The following NKAIN2 variants were observed in gnomAD, a reference collection of about 807,000 sequenced individuals.
The protein encoded by NKAIN2 is sodium/potassium transporting ATPase interacting 2, also known as sodium/potassium-transporting ATPase subunit beta-1-interacting protein 2.
Under a neutral mutation model 32.6 loss-of-function variants are expected in NKAIN2, and 14 were observed. The observed-to-expected ratio is 0.43, with a 90% CI of 0.28 to 0.67. NKAIN2 has a LOEUF of 0.67. Ranked by LOEUF, NKAIN2 falls within the 30% of genes least tolerant of loss-of-function variation. The pLI is 0.17. For missense variants in NKAIN2, 198 were observed against 258.3 expected, an observed-to-expected ratio of 0.77 and a Z score of 1.60; for synonymous variants, 80 against 87.2, an observed-to-expected ratio of 0.92 and a Z score of 0.46.
At chr6:124,678,059 A>G (rs1198881663) in intron 4 of NKAIN2, among the ~76,000 whole-genome samples, 1 of 151,956 alleles carries the variant, frequency 6.6e-6, no homozygotes, top group East Asian at 1.9e-4. Context: ...GAGTTGCAAG[A>G]TATTTTTTAG....
chr6:124,232,679 G>A (rs9482521), intron 1 of NKAIN2, among the ~76,000 whole-genome samples: 11,221 of 151,962 alleles, frequency 0.074, 808 homozygotes, highest in African/African-American at 0.17. Flanking sequence ...ATTTGCTTAC[G>A]TAAAATATGC....
At chr6:124,527,675 A>G (rs1274919630) in intron 3 of NKAIN2, among the ~76,000 whole-genome samples, 1 of 152,194 alleles carries the variant, frequency 6.6e-6, no homozygotes, top group Non-Finnish European at 1.5e-5. Context: ...CCAAGTAAGC[A>G]ACATGATAAA....
At chr6:124,512,784 A>G (rs748166435) in intron 3 of NKAIN2, among the ~76,000 whole-genome samples, 2 of 152,154 alleles carry the variant, frequency 1.3e-5, no homozygotes, top group Non-Finnish European at 1.5e-5. Context: ...CAAATAGATG[A>G]TAGTTGAAGG....
chr6:124,016,168 A>G (rs1780565660), intron 1 of NKAIN2, among the ~76,000 whole-genome samples: 1 of 152,192 alleles, frequency 6.6e-6, no homozygotes, highest in Non-Finnish European at 1.5e-5. Flanking sequence ...GGCAAAAGTT[A>G]CATGTGCAAA....
At chr6:123,861,237 A>G (rs1391644639) in intron 1 of NKAIN2, among the ~76,000 whole-genome samples, 1 of 152,248 alleles carries the variant, frequency 6.6e-6, no homozygotes, top group African/African-American at 2.4e-5. Flanking sequence ...GGCTAAGTAA[A>G]TGTAAATTGA....
intron 1 of NKAIN2, among the ~76,000 whole-genome samples, chr6:124,028,692 T>C (rs1019851701): frequency 2.7e-5 from 4 of 150,296 alleles, no homozygotes; most frequent in Non-Finnish European, 5.9e-5. Context: ...TTTGTTTATA[T>C]ACATGTATAC....
intron 4 of NKAIN2, among the ~76,000 whole-genome samples, chr6:124,714,130 C>A (rs1054174666): frequency 3.9e-5 from 6 of 152,166 alleles, no homozygotes; most frequent in Non-Finnish European, 8.8e-5. Context: ...GCTTTATGCA[C>A]CCCTTCTCTT....
intron 1 of NKAIN2, among the ~76,000 whole-genome samples, chr6:123,935,156 T>C (rs927176759): frequency 6.8e-6 from 1 of 147,590 alleles, no homozygotes; most frequent in Non-Finnish European, 1.5e-5. Context: ...ATATATTAAA[T>C]ACATATATTT....
chr6:124,692,306 CAG>C (rs1422743655), intron 4 of NKAIN2, among the ~76,000 whole-genome samples: 3 of 152,116 alleles, frequency 2.0e-5, no homozygotes, highest in African/African-American at 7.2e-5. Context: ...AAATTTGCAT[CAG>C]AGTTTGTAGA....
At chr6:124,644,642 G>C (rs1205236822) in intron 3 of NKAIN2, among the ~76,000 whole-genome samples, 1 of 152,128 alleles carries the variant, frequency 6.6e-6, no homozygotes, top group African/African-American at 2.4e-5. Flanking sequence ...CTGACCTTGT[G>C]ATCCGCCTGC....
intron 1 of NKAIN2, among the ~76,000 whole-genome samples, chr6:123,986,961 A>G (rs981463991): frequency 3.9e-5 from 6 of 152,184 alleles, no homozygotes; most frequent in African/African-American, 1.4e-4. Flanking sequence ...CTTTAGCGAT[A>G]TATAGGAGGA....
At chr6:123,902,486 A>C (rs773850494) in intron 1 of NKAIN2, among the ~76,000 whole-genome samples, 1 of 152,144 alleles carries the variant, frequency 6.6e-6, no homozygotes, top group Non-Finnish European at 1.5e-5. Flanking sequence ...TTGCATGACT[A>C]TTTTCATATT....
At chr6:124,566,236 C>T (rs1433811416) in intron 3 of NKAIN2, among the ~76,000 whole-genome samples, 1 of 152,212 alleles carries the variant, frequency 6.6e-6, no homozygotes, top group Non-Finnish European at 1.5e-5. Flanking sequence ...TCTTTTAGCT[C>T]CACCATACCC....
intron 1 of NKAIN2, among the ~76,000 whole-genome samples, chr6:123,967,507 C>A (rs963170467): frequency 7.9e-5 from 12 of 152,238 alleles, no homozygotes; most frequent in Admixed American, 2.0e-4. Context: ...TCTTATCCTA[C>A]CAATAATTGC....
chr6:124,059,290 C>A (rs975724762), intron 1 of NKAIN2, among the ~76,000 whole-genome samples: 2 of 152,082 alleles, frequency 1.3e-5, no homozygotes, highest in African/African-American at 2.4e-5. Context: ...TCTTGGGCAC[C>A]TTCTCGGACA....
intron 3 of NKAIN2, among the ~76,000 whole-genome samples, chr6:124,436,722 G>T (rs1775463227): frequency 6.6e-6 from 1 of 152,030 alleles, no homozygotes; most frequent in African/African-American, 2.4e-5. Flanking sequence ...AGGCCACCAG[G>T]ATCTCCTGTC....
At chr6:124,115,265 T>G (rs1785556655) in intron 1 of NKAIN2, among the ~76,000 whole-genome samples, 1 of 152,036 alleles carries the variant, frequency 6.6e-6, no homozygotes, top group South Asian at 2.1e-4. Flanking sequence ...CAAAAAGGAC[T>G]TACAAAAAAC....
At chr6:123,819,924 C>A (rs532531341) in intron 1 of NKAIN2, among the ~76,000 whole-genome samples, 1 of 151,788 alleles carries the variant, frequency 6.6e-6, no homozygotes, top group African/African-American at 2.4e-5. Context: ...AATAGAGGAA[C>A]GAAAAGAGCA....
intron 1 of NKAIN2, among the ~76,000 whole-genome samples, chr6:124,209,123 C>G (rs932690710): frequency 6.6e-6 from 1 of 151,292 alleles, no homozygotes; most frequent in African/African-American, 2.4e-5. Flanking sequence ...CCCGCCTCGC[C>G]GCTACTCTTC....
Sources: gnomAD v4.1 joint callset for allele counts (sites outside exome capture counted in the v4.1 genomes callset) on GRCh38, gnomAD v4.1.1 for gene constraint, MANE v1.5 for transcripts, NCBI Gene and HGNC (gene_info 2026-07-23, HGNC 2026-07-21) for gene names.